Variants in RBFOX1 observed in about 807,000 individuals in gnomAD.
RBFOX1 encodes RNA binding fox-1 homolog 1, also known as RNA binding protein fox-1 homolog 1.
RBFOX1 carries 8 observed loss-of-function variants against 57.7 expected under a neutral mutation model. The observed-to-expected ratio is 0.14, with a 90% CI of 0.08 to 0.25. RBFOX1 has a LOEUF of 0.25. Among genes scored for constraint, RBFOX1 ranks in the 10% least tolerant of loss-of-function variants. RBFOX1 has a pLI of 1.00. For synonymous variants in RBFOX1, 326 were observed against 222.4 expected (o/e 1.47, Z -4.15); for missense variants, 611 against 548.5 (o/e 1.11, Z -1.14).
chr16:5,934,899 G>A (rs1431551057), intron 4 of RBFOX1, among the ~76,000 whole-genome samples: 1 of 152,188 alleles, frequency 6.6e-6, no homozygotes, highest in Non-Finnish European at 1.5e-5. Flanking sequence ...GGCCCTGTGG[G>A]CATTTATTCA....
At position 6,562,856 on chromosome 16, in the gene RBFOX1, C is replaced by CTTTTTTT. The variant is rs1567693438; in HGVS notation, c.-63-91744_-63-91743insTTTTTTT. 7.9e-5 allele frequency among the ~76,000 whole-genome samples: 4 copies of CTTTTTTT among 50,316 alleles called. 1 individual carries two copies. The highest frequency in any genetic ancestry group is 4.3e-4 in the African/African-American group (4 of 9,380). 33.0% of individuals were successfully genotyped at this position (50,316 alleles called of 152,430 possible). A position where few individuals can be genotyped will look rare whatever the true frequency, so the allele number is the denominator to read the frequency against. ...CTTTTCTTTCTTTCTTTCTTTCTTT[C>CTTTTTTT]TTTCTTTCTTTCTTTCTTTCTTTCT... On this transcript the variant is annotated intron_variant, in intron 2 of 15. Coordinates refer to ENST00000550418, the MANE Select transcript of RBFOX1 (RefSeq NM_018723.4).
chr16:5,799,638 G>C (rs971068069), intron 3 of RBFOX1, among the ~76,000 whole-genome samples: 1 of 152,156 alleles, frequency 6.6e-6, no homozygotes, highest in African/African-American at 2.4e-5. Context: ...TTGTCCAACT[G>C]TAGGCTCATG....
At chr16:6,851,060 T>C (rs1484448677) in intron 3 of RBFOX1, among the ~76,000 whole-genome samples, 2 of 152,202 alleles carry the variant, frequency 1.3e-5, no homozygotes, top group African/African-American at 4.8e-5. Context: ...AAATTATTGA[T>C]GATAGACACA....
At chr16:7,048,472 G>T (rs1252710671) in intron 3 of RBFOX1, among the ~76,000 whole-genome samples, 1 of 151,266 alleles carries the variant, frequency 6.6e-6, no homozygotes, top group South Asian at 2.1e-4. Context: ...TATTAGCCAG[G>T]ATGGTCTCGA....
At chr16:5,705,563 C>G (rs2051212169) in intron 3 of RBFOX1, among the ~76,000 whole-genome samples, 2 of 152,238 alleles carry the variant, frequency 1.3e-5, no homozygotes, top group East Asian at 1.9e-4. Context: ...TTAGTACACA[C>G]AATTTGTTTT....
intron 2 of RBFOX1, among the ~76,000 whole-genome samples, chr16:6,425,902 C>T (rs1418203836): frequency 2.0e-5 from 3 of 152,148 alleles, no homozygotes; most frequent in African/African-American, 4.8e-5. Flanking sequence ...GTATTTAGTA[C>T]ATTAGCTTCC....
At chr16:7,290,514 T>C (rs2095748077) in intron 4 of RBFOX1, among the ~76,000 whole-genome samples, 1 of 152,212 alleles carries the variant, frequency 6.6e-6, no homozygotes, top group Admixed American at 6.5e-5. Flanking sequence ...TTTCAAAAGG[T>C]AGCTGACGAT....
intron 4 of RBFOX1, among the ~76,000 whole-genome samples, chr16:7,343,789 G>A (rs982468492): frequency 7.2e-5 from 11 of 152,060 alleles, no homozygotes; most frequent in African/African-American, 2.7e-4. Flanking sequence ...TGGGACCTTG[G>A]ATGCCATTTG....
intron 3 of RBFOX1, among the ~76,000 whole-genome samples, chr16:6,737,678 C>G (rs1341750829): frequency 6.6e-6 from 1 of 152,266 alleles, no homozygotes; most frequent in East Asian, 1.9e-4. Flanking sequence ...ATAGGCTAGG[C>G]TTTTTCCTCA....
chr16:6,205,488 T>G (rs1443380211), intron 1 of RBFOX1, among the ~76,000 whole-genome samples: 1 of 152,232 alleles, frequency 6.6e-6, no homozygotes, highest in Non-Finnish European at 1.5e-5. Flanking sequence ...CTGCCATGTT[T>G]ATAAATATGT....
intron 4 of RBFOX1, among the ~76,000 whole-genome samples, chr16:5,885,160 G>T (rs1241017068): frequency 6.6e-6 from 1 of 152,054 alleles, no homozygotes; most frequent in Non-Finnish European, 1.5e-5. Flanking sequence ...TGGCAGCTAT[G>T]GTTTACCACG....
chr16:7,128,574 C>T (rs1252225113), intron 4 of RBFOX1, among the ~76,000 whole-genome samples: 3 of 152,162 alleles, frequency 2.0e-5, no homozygotes, highest in Admixed American at 2.0e-4. Context: ...ATTGTACATG[C>T]AGAAGGGGCA....
chr16:5,690,593 G>C (rs986462207), intron 3 of RBFOX1, among the ~76,000 whole-genome samples: 7 of 152,080 alleles, frequency 4.6e-5, no homozygotes, highest in African/African-American at 1.7e-4. Flanking sequence ...TTTCCCATCA[G>C]ATTTTGAGGG....
intron 2 of RBFOX1, among the ~76,000 whole-genome samples, chr16:5,514,174 A>C (rs1051353013): frequency 6.6e-6 from 1 of 152,188 alleles, no homozygotes; most frequent in East Asian, 1.9e-4. Context: ...CAAGTTTATG[A>C]GTCAGCTGGC....
chr16:5,452,361 G>T (rs753212074), intron 1 of RBFOX1, among the ~76,000 whole-genome samples: 14 of 151,732 alleles, frequency 9.2e-5, no homozygotes, highest in Non-Finnish European at 5.9e-5. Context: ...CACCCGCCTC[G>T]ACCTCCCAAA....
chr16:6,820,372 T>C (rs898340481), intron 3 of RBFOX1, among the ~76,000 whole-genome samples: 3 of 152,140 alleles, frequency 2.0e-5, no homozygotes, highest in Non-Finnish European at 2.9e-5. Flanking sequence ...TTCAGGTAAC[T>C]GTGATAGGCC....
intron 4 of RBFOX1, among the ~76,000 whole-genome samples, chr16:7,109,004 G>C (rs2064133587): frequency 6.6e-6 from 1 of 152,138 alleles, no homozygotes; most frequent in Non-Finnish European, 1.5e-5. Flanking sequence ...TTTGTCAATG[G>C]GATGGAAAAG....
At chr16:7,104,507 C>G (rs1055514002) in intron 4 of RBFOX1, among the ~76,000 whole-genome samples, 1 of 152,094 alleles carries the variant, frequency 6.6e-6, no homozygotes, top group Non-Finnish European at 1.5e-5. Context: ...ATTCAAGATC[C>G]TGACTTTAAA....
intron 3 of RBFOX1, among the ~76,000 whole-genome samples, chr16:6,991,943 G>T (rs912670072): frequency 6.6e-6 from 1 of 152,280 alleles, no homozygotes; most frequent in South Asian, 2.1e-4. Flanking sequence ...CAATAGGGTG[G>T]TGGGGGTGTC....
Sources: gnomAD v4.1 joint callset for allele counts (sites outside exome capture counted in the v4.1 genomes callset) on GRCh38, gnomAD v4.1.1 for gene constraint, MANE v1.5 for transcripts, NCBI Gene and HGNC (gene_info 2026-07-23, HGNC 2026-07-21) for gene names.